The following ADRA1A variants were observed in gnomAD, a reference collection of about 807,000 sequenced individuals.
ADRA1A encodes the protein alpha-1A adrenergic receptor.
In ADRA1A, 31 loss-of-function variants were observed where a neutral mutation model predicts 29.6. The ratio of observed to expected loss-of-function variants is 1.05; its 90% CI spans 0.79 to 1.41. The LOEUF (loss-of-function observed/expected upper bound fraction) is 1.41, where lower values mean the gene tolerates loss of function less well. Ranked by LOEUF, ADRA1A falls within the 40% of genes most tolerant of loss-of-function variation. ADRA1A has a pLI of 0.00. For synonymous variants in ADRA1A, 311 were observed against 254.3 expected (o/e 1.22, Z -2.12); for missense variants, 619 against 601.1 (o/e 1.03, Z -0.31).
downstream of ADRA1A, among the ~76,000 whole-genome samples, chr8:26,764,188 G>A (rs1344876903): frequency 2.6e-5 from 4 of 152,124 alleles, no homozygotes; most frequent in African/African-American, 7.2e-5. Flanking sequence ...CAGGCTGACC[G>A]GGAAAAGAAT....
At position 26,821,823 on chromosome 8, in the gene ADRA1A, GAATGTTATGT is replaced by G. The variant is rs1369034329; in HGVS notation, c.883+42254_883+42263del. Among the ~76,000 whole-genome samples, 14 of 152,270 alleles carry G rather than the reference GAATGTTATGT, an allele frequency of 9.2e-5. No individual in the cohort carries two copies. Among genetic ancestry groups the G allele is most frequent in the African/African-American group, 3.4e-4 (14 of 41,544 alleles). On this transcript the variant is annotated intron_variant, in intron 2 of 2. Coordinates refer to ENST00000380573, the MANE Select transcript of ADRA1A (RefSeq NM_000680.4). The surrounding 1 kb of genome is among the most constrained non-coding windows in gnomAD (Gnocchi z 5.6). ...TATTTCTATAATTTTGTCATTTCAAGAATGTTATGTAAATAGAGTCATACAGTATGCAATC... is the reference window on the plus strand; with the variant it reads ...TATTTCTATAATTTTGTCATTTCAAGAAATAGAGTCATACAGTATGCAATC...
chr8:26,773,586 G>T (rs1484449551), intron 2 of ADRA1A, among the ~76,000 whole-genome samples: 1 of 151,820 alleles, frequency 6.6e-6, no homozygotes, highest in African/African-American at 2.4e-5. Flanking sequence ...GGGAGGGGAG[G>T]GTCGTTTCCT....
chr8:26,853,738 G>A (rs1812798809), intron 2 of ADRA1A: 1 of 152,104 alleles, frequency 6.6e-6, no homozygotes, highest in African/African-American at 2.4e-5. Flanking sequence ...TACAAATGAT[G>A]CTCTAAAAGA....
chr8:26,770,533 A>G lies in ADRA1A; in HGVS notation c.1017T>C (p.Asn339=). 6.2e-7 allele frequency: 1 copy of G among 1,614,200 alleles called. No individual in the cohort carries two copies. The part of the protein sequence containing the change: ...SSQEFKKAFQ[N]VLRIQCLCRK... Reference sequence around the variant, plus strand: ...TGCAGAGACACTGGATTCTCAAGACATTCTGAAAGGCCTTTTTGAACTCTT... The same window carrying G: ...TGCAGAGACACTGGATTCTCAAGACGTTCTGAAAGGCCTTTTTGAACTCTT... Residue 339 remains asparagine (N), a synonymous_variant, in exon 3 of 3, where the codon AAT becomes AAC. Transcript: ENST00000380573.
At position 26,825,592 on chromosome 8, in the gene ADRA1A, A is replaced by G. The variant is rs1339511396; in HGVS notation, c.883+38495T>C. Among the ~76,000 whole-genome samples, 1 of 152,172 alleles carries G rather than the reference A, an allele frequency of 6.6e-6. No individual in the cohort carries two copies. Among genetic ancestry groups the G allele is most frequent in the African/African-American group, 2.4e-5 (1 of 41,432 alleles). ...GATACTTATATCCCACTTATTCACT[A>G]ATCCCAGATCAAGCTTCACTTCCTC... On this transcript the variant is annotated intron_variant, in intron 2 of 2. Coordinates refer to ENST00000380573, the MANE Select transcript of ADRA1A (RefSeq NM_000680.4). The surrounding 1 kb of genome is among the most constrained non-coding windows in gnomAD (Gnocchi z 5.7).
chr8:26,781,376 C>T (rs976308998), intron 2 of ADRA1A, among the ~76,000 whole-genome samples: 9 of 152,194 alleles, frequency 5.9e-5, no homozygotes, highest in African/African-American at 2.2e-4. Context: ...ATCCTTCATT[C>T]GTGTCTCTCT....
At chr8:26,855,004 A>C (rs112756969) in intron 2 of ADRA1A, among the ~76,000 whole-genome samples, 5,426 of 152,222 alleles carry the variant, frequency 0.036, 146 homozygotes, top group African/African-American at 0.077. Flanking sequence ...TCAGACACTA[A>C]ATCTGTTGGT....
chr8:26,864,617 C>T lies in ADRA1A; in HGVS notation c.353G>A (p.Cys118Tyr). 6.2e-7 allele frequency: 1 copy of T among 1,614,174 alleles called. No individual in the cohort carries two copies. The highest frequency in any genetic ancestry group is 1.1e-5 in the South Asian group (1 of 91,080). Residue 118 changes from cysteine to tyrosine, a missense_variant, in exon 2 of 3, where the codon TGC becomes TAC. Transcript: ENST00000380573. This position sits in a 1 kb window ranked among gnomAD's most constrained non-coding sequence, Gnocchi z 8.1. ...LCCTASIMGL[C>Y]IISIDRYIGV... ...GATGTAGCGGTCGATGGAGATGATGCAGAGGCCCATGATGGACGCGGTGCA... is the reference window on the plus strand; with the variant it reads ...GATGTAGCGGTCGATGGAGATGATGTAGAGGCCCATGATGGACGCGGTGCA...
At chr8:26,794,885 T>C (rs1366760973) in intron 2 of ADRA1A, among the ~76,000 whole-genome samples, 2 of 152,168 alleles carry the variant, frequency 1.3e-5, no homozygotes, top group African/African-American at 4.8e-5. Flanking sequence ...GAAGATTAAG[T>C]CAATTTAATG....
downstream of ADRA1A, among the ~76,000 whole-genome samples, chr8:26,768,101 A>C (rs1197187707): frequency 2.0e-5 from 3 of 152,256 alleles, no homozygotes; most frequent in Non-Finnish European, 4.4e-5. Flanking sequence ...CTGAAAAAAC[A>C]GTCACACTCC....
chr8:26,848,267 A>G lies in ADRA1A; in HGVS notation c.883+15820T>C, dbSNP rs979567299. Among the ~76,000 whole-genome samples, 4 of 152,150 alleles carry G rather than the reference A, an allele frequency of 2.6e-5. No individual in the cohort carries two copies. The highest frequency in any genetic ancestry group is 5.9e-5 in the Non-Finnish European group (4 of 68,020). On this transcript the variant is annotated intron_variant, in intron 2 of 2. Coordinates refer to ENST00000380573, the MANE Select transcript of ADRA1A (RefSeq NM_000680.4). The surrounding 1 kb of genome is among the most constrained non-coding windows in gnomAD (Gnocchi z 4.3). ...ACACAGTAAGTGCCATGCAAGTACC[A>G]CTAATATGGATGGAAAGTTTGTGTC...
At chr8:26,770,732 C>A (rs1806086958) in intron 2 of ADRA1A, 66 bp from the exon 3 acceptor site, 2 of 1,515,606 alleles carry the variant, frequency 1.3e-6, no homozygotes, top group East Asian at 2.3e-5. Flanking sequence ...GCTAGGAAAA[C>A]AATCAAACAG....
chr8:26,838,854 G>A (rs1811583829), intron 2 of ADRA1A, among the ~76,000 whole-genome samples: 1 of 151,878 alleles, frequency 6.6e-6, no homozygotes, highest in African/African-American at 2.4e-5. Flanking sequence ...GTCTGCATAG[G>A]GCCACCCCCT....
intron 2 of ADRA1A, among the ~76,000 whole-genome samples, chr8:26,824,869 A>T (rs1810435851): frequency 6.6e-6 from 1 of 152,220 alleles, no homozygotes; most frequent in African/African-American, 2.4e-5. Flanking sequence ...AAATGAGCCC[A>T]TCTTTATTCC....
chr8:26,798,594 T>G (rs7827683), intron 2 of ADRA1A, among the ~76,000 whole-genome samples: 2,625 of 152,268 alleles, frequency 0.017, 67 homozygotes, highest in African/African-American at 0.057. Flanking sequence ...ATTTAATGCA[T>G]GTGCATGGGA....
intron 2 of ADRA1A, among the ~76,000 whole-genome samples, chr8:26,837,759 G>A (rs186165504): frequency 5.8e-4 from 89 of 152,256 alleles, no homozygotes; most frequent in Admixed American, 1.9e-3. Flanking sequence ...TTTGCTTTAT[G>A]AGAGAATTTT....
Position 26,821,184 on chromosome 8 carries a change from C to T in ADRA1A, c.883+42903G>A, listed in dbSNP as rs757578897. On this transcript the variant is annotated intron_variant, in intron 2 of 2. Transcript: ENST00000380573. The surrounding 1 kb of genome is among the most constrained non-coding windows in gnomAD (Gnocchi z 5.6). ...GGATTACAGGCATGAGCCACCACGC[C>T]TGGCCACATTAGGCCATTTTAGTGT... is the stretch of plus-strand genomic sequence containing the variant. Among the ~76,000 whole-genome samples, 15 of 152,198 alleles carry T rather than the reference C, an allele frequency of 9.9e-5. No homozygotes were observed. The highest frequency in any genetic ancestry group is 2.2e-4 in the Non-Finnish European group (15 of 68,036).
In ADRA1A at chr8:26,864,163, T is replaced by C. The variant is rs1237197301; in HGVS notation, c.807A>G (p.Lys269=). 6.2e-7 allele frequency: 1 copy of C among 1,614,002 alleles called. No individual in the cohort carries two copies. The highest frequency in any genetic ancestry group is 8.5e-7 in the Non-Finnish European group (1 of 1,180,042). ...VRLLKFSREK[K]AAKTLGIVVG... The stretch of plus-strand genomic sequence containing the variant: ...CCACGATGCCCAGCGTTTTGGCCGC[T>C]TTCTTCTCCCGGGAGAACTTGAGGA... Residue 269 remains lysine, a synonymous_variant, in exon 2 of 3, where the codon AAA becomes AAG. Coordinates refer to ENST00000380573, the MANE Select transcript of ADRA1A (RefSeq NM_000680.4). This position sits in a 1 kb window ranked among gnomAD's most constrained non-coding sequence, Gnocchi z 8.1.
chr8:26,859,567 T>C (rs1208299079), intron 2 of ADRA1A, among the ~76,000 whole-genome samples: 1 of 152,204 alleles, frequency 6.6e-6, no homozygotes, highest in Non-Finnish European at 1.5e-5. Flanking sequence ...GTTTTATTCA[T>C]CTTTTTTATT....
Sources: allele counts gnomAD v4.1 joint callset (sites outside exome capture counted in the v4.1 genomes callset), GRCh38; gene constraint gnomAD v4.1.1; non-coding constraint Gnocchi (gnomAD v3.1); transcripts MANE v1.5; gene names NCBI Gene and HGNC (gene_info 2026-07-23, HGNC 2026-07-21).